SLC8A1: variants seen among roughly 807,000 people sequenced by gnomAD.
SLC8A1 encodes sodium/calcium exchanger 1.
In SLC8A1, 18 loss-of-function variants were observed where a neutral mutation model predicts 68.3. The observed-to-expected ratio is 0.26, with a 90% CI of 0.18 to 0.39. The LOEUF (loss-of-function observed/expected upper bound fraction) is 0.39. Among genes scored for constraint, SLC8A1 ranks in the 10% least tolerant of loss-of-function variants. The pLI is 1.00. For synonymous variants in SLC8A1, 475 were observed against 415.5 expected (o/e 1.14, Z -1.74); for missense variants, 985 against 1,156.7 (o/e 0.85, Z 2.15).
At chr2:40,496,697 A>T (rs1342747962) in intron 1 of SLC8A1, among the ~76,000 whole-genome samples, 1 of 152,002 alleles carries the variant, frequency 6.6e-6, no homozygotes, top group Non-Finnish European at 1.5e-5. Flanking sequence ...TCCTTACAAT[A>T]AATAGACTGC....
chr2:40,495,139 C>A (rs1022465515), intron 1 of SLC8A1, among the ~76,000 whole-genome samples: 5 of 151,928 alleles, frequency 3.3e-5, no homozygotes, highest in African/African-American at 1.2e-4. Flanking sequence ...TAAAAGATGT[C>A]TCAGTTGATG....
At chr2:40,331,455 C>T (rs1026659654) in intron 2 of SLC8A1, among the ~76,000 whole-genome samples, 1 of 152,074 alleles carries the variant, frequency 6.6e-6, no homozygotes, top group African/African-American at 2.4e-5. Context: ...CAGTAAAGAA[C>T]ACTCCCGGGA....
intron 7 of SLC8A1, among the ~76,000 whole-genome samples, chr2:40,134,567 C>T (rs741320): frequency 0.13 from 19,582 of 152,180 alleles, 1,430 homozygotes; most frequent in African/African-American, 0.17. Context: ...GTGCTTTTAA[C>T]TTTTGTCCCT....
chr2:40,414,120 C>T (rs1279427875), intron 2 of SLC8A1, among the ~76,000 whole-genome samples: 1 of 152,168 alleles, frequency 6.6e-6, no homozygotes. Flanking sequence ...TGCTCATGCT[C>T]TTCAAGCATT....
chr2:40,278,454 C>T lies in SLC8A1; in HGVS notation c.1809-100599G>A, dbSNP rs527280909. Among the ~76,000 whole-genome samples the T allele has an allele frequency of 7.3e-5, 11 of 150,500 alleles. No individual in the cohort carries two copies. In the East Asian group the frequency reaches 7.8e-4, roughly 11 times the overall value. Reference sequence around the variant, plus strand: ...ACTGCACTCCAGCCTGGCGACAGAGCGAGACTCTGTCTCAAACAAAACAAA... The same window carrying T: ...ACTGCACTCCAGCCTGGCGACAGAGTGAGACTCTGTCTCAAACAAAACAAA... On this transcript the variant is annotated intron_variant, in intron 2 of 7. Coordinates refer to ENST00000406785, the Ensembl canonical transcript of SLC8A1.
intron 1 of SLC8A1, among the ~76,000 whole-genome samples, chr2:40,450,575 A>C (rs1702258395): frequency 2.0e-5 from 3 of 152,162 alleles, no homozygotes; most frequent in Non-Finnish European, 1.5e-5. Flanking sequence ...CTCCTCCATG[A>C]TCAGGACGCT....
At chr2:40,275,912 C>A (rs984521844) in intron 2 of SLC8A1, among the ~76,000 whole-genome samples, 1 of 152,110 alleles carries the variant, frequency 6.6e-6, no homozygotes, top group Non-Finnish European at 1.5e-5. Flanking sequence ...GCAAGTGGGA[C>A]CCCCGTACCC....
At chr2:40,160,788 A>G (rs750765717) in exon 6 of SLC8A1, 6 of 1,613,278 alleles carry the variant, frequency 3.7e-6, no homozygotes, top group East Asian at 2.2e-5. Context: ...GATAGCTTCA[A>G]TGAACTGTTC....
At chr2:40,236,318 CTCT>C (rs2148928984) in intron 2 of SLC8A1, among the ~76,000 whole-genome samples, 1 of 152,128 alleles carries the variant, frequency 6.6e-6, no homozygotes, top group Non-Finnish European at 1.5e-5. Context: ...GGATAGTTAG[CTCT>C]TCTTGTTGAA....
chr2:40,355,085 T>C lies in SLC8A1; in HGVS notation c.1808+73388A>G, dbSNP rs75000542. On this transcript the variant is annotated intron_variant, in intron 2 of 7. Coordinates refer to ENST00000406785, the Ensembl canonical transcript of SLC8A1. ...TGAAATAAAGATAAGCAAGCTCTTG[T>C]ATTGCAAGAACTGAAAAAGCCTTTA... 4.0e-3 allele frequency among the ~76,000 whole-genome samples: 608 copies of C among 152,332 alleles called. 5 individuals are homozygous for C. Among genetic ancestry groups the C allele is most frequent in the African/African-American group, 0.014 (569 of 41,578 alleles).
At chr2:40,313,094 T>C (rs898591663) in intron 2 of SLC8A1, among the ~76,000 whole-genome samples, 1 of 152,080 alleles carries the variant, frequency 6.6e-6, no homozygotes. Flanking sequence ...TTCTCTTCTC[T>C]AGCTATTCCC....
chr2:40,293,607 T>C (rs1193480719), intron 2 of SLC8A1, among the ~76,000 whole-genome samples: 1 of 152,154 alleles, frequency 6.6e-6, no homozygotes, highest in Non-Finnish European at 1.5e-5. Context: ...TTTACAGGGC[T>C]TTTTAAGAGC....
intron 6 of SLC8A1, among the ~76,000 whole-genome samples, chr2:40,150,639 G>A (rs911167394): frequency 6.6e-6 from 1 of 152,166 alleles, no homozygotes; most frequent in Non-Finnish European, 1.5e-5. Context: ...ACGACTTCGG[G>A]CATACAAATA....
chr2:40,223,133 T>C (rs2148852214), intron 2 of SLC8A1, among the ~76,000 whole-genome samples: 1 of 152,252 alleles, frequency 6.6e-6, no homozygotes, highest in Middle Eastern at 3.4e-3. Flanking sequence ...CCATCAATGA[T>C]AGACTGGATA....
intron 2 of SLC8A1, among the ~76,000 whole-genome samples, chr2:40,317,795 A>C (rs554740990): frequency 7.9e-4 from 120 of 152,264 alleles, no homozygotes; most frequent in Middle Eastern, 3.4e-3. Flanking sequence ...TAAAATGTTT[A>C]AAGAAAACAG....
chr2:40,320,312 C>A (rs2075037389), intron 2 of SLC8A1, among the ~76,000 whole-genome samples: 1 of 151,962 alleles, frequency 6.6e-6, no homozygotes, highest in Admixed American at 6.6e-5. Flanking sequence ...TAAATATTAG[C>A]CAGGGAACAG....
rs143173609 is a variant in SLC8A1 at position 40,303,517 on chromosome 2, T to C, written c.1808+124956A>G. ...AAAATACTCCACTAACTTGACTTTG[T>C]CTTTCTTGGACCATCTCAAATTTGG... On this transcript the variant is annotated intron_variant, in intron 2 of 7. Coordinates refer to ENST00000406785, the Ensembl canonical transcript of SLC8A1. Among the ~76,000 whole-genome samples, 589 of 152,326 alleles carry C rather than the reference T, an allele frequency of 3.9e-3. 3 individuals are homozygous for C. Among genetic ancestry groups the C allele is most frequent in the African/African-American group, 0.013 (558 of 41,580 alleles).
chr2:40,496,623 T>C (rs1041143635), intron 1 of SLC8A1, among the ~76,000 whole-genome samples: 7 of 152,006 alleles, frequency 4.6e-5, no homozygotes, highest in Non-Finnish European at 7.4e-5. Context: ...TTCTCGTCTG[T>C]GAATGTCCCC....
chr2:40,455,362 T>A (rs1307346526), upstream of SLC8A1, among the ~76,000 whole-genome samples: 1 of 152,224 alleles, frequency 6.6e-6, no homozygotes, highest in African/African-American at 2.4e-5. Context: ...TAAATTCCTT[T>A]CATTTTTACT....
Sources: allele counts gnomAD v4.1 joint callset (sites outside exome capture counted in the v4.1 genomes callset), GRCh38; gene constraint gnomAD v4.1.1; transcripts MANE v1.5; gene names NCBI Gene and HGNC (gene_info 2026-07-23, HGNC 2026-07-21).